The following MKX variants were observed in gnomAD, a reference collection of about 807,000 sequenced individuals.
MKX encodes the protein homeobox protein Mohawk.
A neutral mutation model predicts 36.0 loss-of-function variants in MKX; 13 were observed. The ratio of observed to expected loss-of-function variants is 0.36; its 90% CI spans 0.24 to 0.57. The LOEUF is 0.57. MKX is among the 20% of genes least tolerant of loss of function. The pLI is 0.79. For synonymous variants in MKX, 176 were observed against 178.3 expected (o/e 0.99, Z 0.10); for missense variants, 458 against 456.4 (o/e 1.00, Z -0.03).
Position 27,675,190 on chromosome 10 carries a change from C to G in MKX, c.*39G>C. The G allele has an allele frequency of 4.4e-6, 7 of 1,590,226 alleles. No homozygotes were observed. Among genetic ancestry groups the G allele is most frequent in the Non-Finnish European group, 5.1e-6 (6 of 1,166,068 alleles). ...TTAGGATGAGGGTTGATGAAAACAC[C>G]GGAAAGAACATCCATTGGATCTGAA... On this transcript the variant is annotated 3_prime_UTR_variant, in exon 7 of 7. Transcript: ENST00000419761.
intron 5 of MKX, among the ~76,000 whole-genome samples, chr10:27,734,104 A>C (rs1834695041): frequency 6.6e-6 from 1 of 152,148 alleles, no homozygotes; most frequent in Non-Finnish European, 1.5e-5. Flanking sequence ...CCCCCTAAAC[A>C]TTGTTATTCT....
intron 5 of MKX, among the ~76,000 whole-genome samples, chr10:27,677,355 T>C: frequency 6.6e-6 from 1 of 152,190 alleles, no homozygotes; most frequent in East Asian, 1.9e-4. Context: ...TTCTCTGCAC[T>C]GCTCAAGGCT....
intron 5 of MKX, among the ~76,000 whole-genome samples, chr10:27,714,845 T>C (rs1215718829): frequency 6.6e-6 from 1 of 152,238 alleles, no homozygotes; most frequent in Non-Finnish European, 1.5e-5. Context: ...TTTTGGAATG[T>C]ATCTATTCTG....
At chr10:27,691,431 A>T (rs570311559) in intron 5 of MKX, among the ~76,000 whole-genome samples, 1 of 152,336 alleles carries the variant, frequency 6.6e-6, no homozygotes, top group South Asian at 2.1e-4. Context: ...GTATAGCAGC[A>T]CAAGGCACTA....
chr10:27,679,090 A>T (rs1283462596), intron 5 of MKX, among the ~76,000 whole-genome samples: 1 of 152,080 alleles, frequency 6.6e-6, no homozygotes, highest in Non-Finnish European at 1.5e-5. Flanking sequence ...ACAGAAAAAA[A>T]TCATCTTACA....
chr10:27,723,295 A>G (rs1464757012), intron 5 of MKX, among the ~76,000 whole-genome samples: 20 of 152,134 alleles, frequency 1.3e-4, no homozygotes, highest in Non-Finnish European at 1.5e-5. Context: ...GTCTAAAATA[A>G]ATGAACCCAG....
At chr10:27,682,584 G>A (rs1836272847) in intron 5 of MKX, among the ~76,000 whole-genome samples, 2 of 152,294 alleles carry the variant, frequency 1.3e-5, no homozygotes, top group South Asian at 4.1e-4. Context: ...ACCAGGGCCT[G>A]GTTTTGTGGA....
intron 5 of MKX, among the ~76,000 whole-genome samples, chr10:27,721,031 G>C (rs111514333): frequency 6.6e-6 from 1 of 152,038 alleles, no homozygotes; most frequent in Non-Finnish European, 1.5e-5. Flanking sequence ...CCAACCCTAC[G>C]TAAGGAAAAC....
At position 27,743,325 on chromosome 10, in the gene MKX, T is replaced by G; in HGVS notation, c.91A>C (p.Ser31Arg). 2 of 1,585,648 alleles carry G rather than the reference T, an allele frequency of 1.3e-6. No individual in the cohort carries two copies. Among genetic ancestry groups the G allele is most frequent in the Non-Finnish European group, 1.7e-6 (2 of 1,168,676 alleles). Reference sequence around the variant, plus strand: ...GCGTGAGGACTGTCCAGGACACCGCTGTAGGGCCGGCCACCCCGCTCCCGC... The same window carrying G: ...GCGTGAGGACTGTCCAGGACACCGCGGTAGGGCCGGCCACCCCGCTCCCGC... ...SERERGGRPY[S>R]GVLDSPHARP... is the part of the protein sequence containing the mutation. Residue 31 changes from serine to arginine, a missense_variant, in exon 2 of 7, where the codon AGC becomes CGC. This residue lies in a region of MKX where 149 missense variants were observed against 114.3 expected (regional missense o/e 1.30). Coordinates refer to ENST00000419761, the MANE Select transcript of MKX (RefSeq NM_173576.3).
rs1834996319 is a variant in MKX at position 27,744,270 on chromosome 10, A to G, written c.-82-773T>C. Among the ~76,000 whole-genome samples, 1 of 151,906 alleles carries G rather than the reference A, an allele frequency of 6.6e-6. No homozygotes were observed. Among genetic ancestry groups the G allele is most frequent in the South Asian group, 2.1e-4 (1 of 4,806 alleles). ...AGGACCCAGGTCCCCAGAGCCCTCA[A>G]TCAGTGCCATTCTCTTCCGCAGCGC... is the stretch of plus-strand genomic sequence containing the variant. On this transcript the variant is annotated intron_variant, in intron 1 of 6. Transcript: ENST00000419761. This position sits in a 1 kb window ranked among gnomAD's most constrained non-coding sequence, Gnocchi z 5.6.
chr10:27,743,123 C>G (rs935643885), intron 2 of MKX, 105 bp downstream of exon 2: 1 of 1,154,050 alleles, frequency 8.7e-7, no homozygotes, highest in Non-Finnish European at 1.1e-6. Context: ...AACTCCGGGC[C>G]CTTTCCCGTC....
At chr10:27,698,422 G>A (rs1395406366) in intron 5 of MKX, among the ~76,000 whole-genome samples, 2 of 152,192 alleles carry the variant, frequency 1.3e-5, no homozygotes, top group Non-Finnish European at 2.9e-5. Flanking sequence ...GAGTCCTGGG[G>A]ATTAAGGGAG....
At chr10:27,686,522 G>T (rs1177185450) in intron 5 of MKX, among the ~76,000 whole-genome samples, 1 of 152,146 alleles carries the variant, frequency 6.6e-6, no homozygotes, top group African/African-American at 2.4e-5. Context: ...TGTCACCCAG[G>T]CTGGAGTGCA....
chr10:27,723,025 T>C (rs150029683), intron 5 of MKX, among the ~76,000 whole-genome samples: 56 of 152,314 alleles, frequency 3.7e-4, no homozygotes, highest in African/African-American at 1.3e-3. Context: ...AAAGTTATTG[T>C]AACTATAAAC....
chr10:27,737,578 T>C (rs754268251), intron 3 of MKX, among the ~76,000 whole-genome samples: 39 of 152,248 alleles, frequency 2.6e-4, no homozygotes, highest in Middle Eastern at 3.4e-3. Flanking sequence ...GATGGGTGAA[T>C]ACATCCCAAG....
At position 27,703,594 on chromosome 10, in the gene MKX, A is replaced by G. The variant is rs576016311; in HGVS notation, c.839-28040T>C. ...TTGTACTGCTAGAAAACACAGAAAA[A>G]TCAACTAAAAGACTTCCAAGTTGGC... On this transcript the variant is annotated intron_variant, in intron 5 of 6. Transcript: ENST00000419761. 5.9e-5 allele frequency among the ~76,000 whole-genome samples: 9 copies of G among 152,192 alleles called. No homozygotes were observed. In the South Asian group the frequency reaches 8.3e-4, roughly 14 times the overall value.
At chr10:27,745,159 C>G (rs921783910) in intron 1 of MKX, among the ~76,000 whole-genome samples, 1 of 152,158 alleles carries the variant, frequency 6.6e-6, no homozygotes, top group African/African-American at 2.4e-5. Flanking sequence ...CTCCTAGATG[C>G]GACGACGTGT....
At chr10:27,715,480 A>G (rs930371365) in intron 5 of MKX, among the ~76,000 whole-genome samples, 1 of 152,190 alleles carries the variant, frequency 6.6e-6, no homozygotes, top group Non-Finnish European at 1.5e-5. Flanking sequence ...AATCTTCTAG[A>G]ATGAGGAAAG....
chr10:27,707,025 A>C (rs151286554), intron 5 of MKX, among the ~76,000 whole-genome samples: 68 of 152,344 alleles, frequency 4.5e-4, no homozygotes, highest in African/African-American at 1.4e-3. Context: ...CAACTCACAG[A>C]AGAAAGGATT....
Sources: allele counts gnomAD v4.1 joint callset (sites outside exome capture counted in the v4.1 genomes callset), GRCh38; gene constraint gnomAD v4.1.1; regional missense constraint gnomAD v4.1.1; non-coding constraint Gnocchi (gnomAD v3.1); transcripts MANE v1.5; gene names NCBI Gene and HGNC (gene_info 2026-07-23, HGNC 2026-07-21).